Variants in IGSF9B observed in about 807,000 individuals in gnomAD.
IGSF9B encodes immunoglobulin superfamily member 9B.
Under a neutral mutation model 143.7 loss-of-function variants are expected in IGSF9B, and 48 were observed. The ratio of observed to expected loss-of-function variants is 0.33; its 90% CI spans 0.26 to 0.42. IGSF9B has a LOEUF of 0.42. Among genes scored for constraint, IGSF9B ranks in the 20% least tolerant of loss-of-function variants. The pLI, the probability that IGSF9B is intolerant of heterozygous loss-of-function variation, is 1.00. For synonymous variants in IGSF9B, 903 were observed against 833.1 expected (o/e 1.08, Z -1.44); for missense variants, 1,706 against 1,980.0 (o/e 0.86, Z 2.63).
At position 133,920,064 on chromosome 11, in the gene IGSF9B, G is replaced by A; in HGVS notation, c.3661C>T (p.Arg1221Cys). ...SRTGSPELAA[R>C]ARPRPGLLQQ... ...AGGAGGCCCGGGCGAGGCCGGGCAC[G>A]GGCGGCGAGCTCAGGGGAGCCGGTG... is the stretch of plus-strand genomic sequence containing the variant. Residue 1221 changes from arginine (R) to cysteine (C), a missense_variant, in exon 18 of 20, where the codon CGT (arginine) becomes TGT (cysteine). Around this residue, in one of 7 missense-constraint regions of IGSF9B, gnomAD observed 880 missense variants for 762.9 expected, o/e 1.15. Coordinates refer to ENST00000533871, the MANE Select transcript of IGSF9B (RefSeq NM_001277285.4). 1.9e-6 allele frequency: 3 copies of A among 1,545,060 alleles called. No individual in the cohort carries two copies. The highest frequency in any genetic ancestry group is 1.2e-5 in the South Asian group (1 of 80,884).
Position 133,920,099 on chromosome 11 carries a change from A to T in IGSF9B, c.3626T>A (p.Leu1209His), listed in dbSNP as rs1234828777. 6.6e-7 allele frequency: 1 copy of T among 1,518,990 alleles called. No homozygotes were observed. The highest frequency in any genetic ancestry group is 2.2e-5 in the Admixed American group (1 of 45,022). 94.1% of individuals were successfully genotyped at this position (1,518,990 alleles called of 1,614,324 possible). A position where few individuals can be genotyped will look rare whatever the true frequency, so the allele number is the denominator to read the frequency against. The change falls in exon 18 of 20, where the codon CTC becomes CAC. Residue 1209 changes from leucine to histidine, a missense_variant. Coordinates refer to ENST00000533871, the MANE Select transcript of IGSF9B (RefSeq NM_001277285.4). Reference protein sequence around the residue: ...SRLSPLTQSPLSSRTGSPELA... With the variant: ...SRLSPLTQSPHSSRTGSPELA... The stretch of plus-strand genomic sequence containing the variant: ...CTCAGGGGAGCCGGTGCGGGAGCTG[A>T]GGGGGCTTTGGGTCAGAGGTGAGAG...
Position 133,946,245 on chromosome 11 carries a change from C to T in IGSF9B, c.78G>A (p.Leu26=), listed in dbSNP as rs933299210. The change falls in exon 2 of 20, where the codon CTG becomes CTA. Residue 26 remains leucine, a synonymous_variant. Coordinates refer to ENST00000533871, the MANE Select transcript of IGSF9B (RefSeq NM_001277285.4). The part of the protein sequence containing the change: ...RGLAAEGAHG[L]REEPEFVTAR... ...CCGTCACAAACTCGGGCTCCTCTCGCAGGCCGTGGGCGCCTGATGGGGACG... is the reference window on the plus strand; with the variant it reads ...CCGTCACAAACTCGGGCTCCTCTCGTAGGCCGTGGGCGCCTGATGGGGACG... The T allele has an allele frequency of 1.9e-6, 3 of 1,613,356 alleles. No individual in the cohort carries two copies. The African/African-American group carries it at 4.0e-5, about 22-fold the overall frequency.
In IGSF9B at chr11:133,906,978, C is replaced by T. The variant is rs895152983; in HGVS notation, c.*2091G>A. Among the ~76,000 whole-genome samples, 1 of 152,068 alleles carries T rather than the reference C, an allele frequency of 6.6e-6. No homozygotes were observed. The highest frequency in any genetic ancestry group is 2.4e-5 in the African/African-American group (1 of 41,412). On this transcript the variant is annotated 3_prime_UTR_variant, in exon 20 of 20. Transcript: ENST00000533871. ...CGACGCGGGGGCAGAGGGTGTGCTA[C>T]CTGGAAAAAAGAACACAAAGAGTTG... is the stretch of plus-strand genomic sequence containing the variant.
At chr11:133,952,542 C>G (rs11828269) in intron 1 of IGSF9B, among the ~76,000 whole-genome samples, 1 of 152,162 alleles carries the variant, frequency 6.6e-6, no homozygotes, top group South Asian at 2.1e-4. Context: ...CACGTGCACA[C>G]AAACACACAG....
At chr11:133,952,746 T>C (rs1565454264) in intron 1 of IGSF9B, among the ~76,000 whole-genome samples, 1 of 151,620 alleles carries the variant, frequency 6.6e-6, no homozygotes, top group Admixed American at 6.6e-5. Context: ...GGCACACACA[T>C]ATGTACACAT....
chr11:133,946,906 C>T (rs1226317098), intron 1 of IGSF9B, among the ~76,000 whole-genome samples: 2 of 152,228 alleles, frequency 1.3e-5, no homozygotes, highest in Non-Finnish European at 2.9e-5. Flanking sequence ...CTGAGCCGGC[C>T]TCTCCAGCCC....
chr11:133,924,739 T>A, intron 15 of IGSF9B, 81 bp downstream of exon 15: 1 of 1,121,504 alleles, frequency 8.9e-7, no homozygotes, highest in East Asian at 2.4e-5. Flanking sequence ...CCTCGTGGAG[T>A]AGCCATTTCA....
At position 133,920,692 on chromosome 11, in the gene IGSF9B, G is replaced by A. The variant is rs1157295278; in HGVS notation, c.3033C>T (p.Thr1011=). The A allele has an allele frequency of 2.5e-6, 4 of 1,613,482 alleles. No individual in the cohort carries two copies. Among genetic ancestry groups the A allele is most frequent in the Non-Finnish European group, 3.4e-6 (4 of 1,179,780 alleles). Residue 1011 remains threonine, a synonymous_variant, in exon 18 of 20, where the codon ACC becomes ACT. Coordinates refer to ENST00000533871, the MANE Select transcript of IGSF9B (RefSeq NM_001277285.4). ...LPTEGPFGHP[T]IPEENGENAS... is the part of the protein sequence containing the mutation. The stretch of plus-strand genomic sequence containing the variant: ...CATTCTCTCCATTCTCCTCGGGGAT[G>A]GTGGGGTGGCCAAAGGGCCCCTCGG...
chr11:133,913,415 T>C lies in IGSF9B; in HGVS notation c.3984-1408A>G, dbSNP rs1370465557. ...GGCAGCAAGGCGGGAAGAGGAGACT[T>C]ACACACTAATTGCAGATAAGCCTCT... On this transcript the variant is annotated intron_variant, in intron 18 of 19. Coordinates refer to ENST00000533871, the MANE Select transcript of IGSF9B (RefSeq NM_001277285.4). This position sits in a 1 kb window ranked among gnomAD's most constrained non-coding sequence, Gnocchi z 4.6. Among the ~76,000 whole-genome samples the C allele has an allele frequency of 6.6e-6, 1 of 152,130 alleles. No individual in the cohort carries two copies. The highest frequency in any genetic ancestry group is 6.5e-5 in the Admixed American group (1 of 15,280).
rs1013168680 is a variant in IGSF9B at position 133,913,876 on chromosome 11, G to A, written c.3984-1869C>T. On this transcript the variant is annotated intron_variant, in intron 18 of 19. Transcript: ENST00000533871. This position sits in a 1 kb window ranked among gnomAD's most constrained non-coding sequence, Gnocchi z 4.6. ...TTAATGTGAATCCACCTGTTCAGTCGATCTCTGTCTCCTGGCCGGCCTCTT... is the reference window on the plus strand; with the variant it reads ...TTAATGTGAATCCACCTGTTCAGTCAATCTCTGTCTCCTGGCCGGCCTCTT... Among the ~76,000 whole-genome samples the A allele has an allele frequency of 2.0e-5, 3 of 152,194 alleles. No homozygotes were observed. The highest frequency in any genetic ancestry group is 1.3e-4 in the Admixed American group (2 of 15,282).
At chr11:133,956,506 C>G (rs1452152303) in intron 1 of IGSF9B, among the ~76,000 whole-genome samples, 185 bp downstream of exon 1, 1 of 124,326 alleles carries the variant, frequency 8.0e-6, no homozygotes, top group Admixed American at 8.2e-5. Context: ...CCCACGGCCC[C>G]CAGGCCCTCC....
chr11:133,932,025 T>TG, intron 8 of IGSF9B, 46 bp downstream of exon 8: 2 of 1,584,416 alleles, frequency 1.3e-6, no homozygotes, highest in South Asian at 1.2e-5. Context: ...ATCACAGTAC[T>TG]GGGGGGAGCC....
rs1281499765 is a variant in IGSF9B, at chr11:133,896,829, T to A, written c.*12240A>T. ...ACTGCCAAGTCAAAGGACAAAGGGA[T>A]CACCATCATCAGCAGCCAGGGCAGG... On this transcript the variant is annotated 3_prime_UTR_variant, in exon 20 of 20. Transcript: ENST00000533871. 1 of 152,208 alleles carries A rather than the reference T, an allele frequency of 6.6e-6. No individual in the cohort carries two copies. Among genetic ancestry groups the A allele is most frequent in the Non-Finnish European group, 1.5e-5 (1 of 68,100 alleles). The allele number at this position is 152,208 out of a possible 1,614,324, so 9.4% of individuals were successfully genotyped here. A position where few individuals can be genotyped will look rare whatever the true frequency, so the allele number is the denominator to read the frequency against.
At chr11:133,941,467 C>T (rs2121331338) in intron 3 of IGSF9B, among the ~76,000 whole-genome samples, 2 of 152,336 alleles carry the variant, frequency 1.3e-5, no homozygotes, top group East Asian at 3.9e-4. Context: ...AAATGCCTGA[C>T]ATTAAACATT....
At position 133,905,263 on chromosome 11, in the gene IGSF9B, G is replaced by C. The variant is rs567393689; in HGVS notation, c.*3806C>G. Among the ~76,000 whole-genome samples, 15 of 150,774 alleles carry C rather than the reference G, an allele frequency of 9.9e-5. No homozygotes were observed. Among genetic ancestry groups the C allele is most frequent in the African/African-American group, 3.7e-4 (15 of 40,956 alleles). On this transcript the variant is annotated 3_prime_UTR_variant, in exon 20 of 20. Transcript: ENST00000533871. This position sits in a 1 kb window ranked among gnomAD's most constrained non-coding sequence, Gnocchi z 4.0. ...CCACCCCACCCCCAAGCCTGGAAAA[G>C]GCTTTTGCTAACAAAATAGGAAGAA...
rs867498001 is a variant in IGSF9B at position 133,919,764 on chromosome 11, G to A, written c.3961C>T (p.Pro1321Ser). 2.0e-6 allele frequency: 3 copies of A among 1,480,870 alleles called. No homozygotes were observed. Among genetic ancestry groups the A allele is most frequent in the African/African-American group, 2.8e-5 (2 of 70,886 alleles). 91.7% of individuals were successfully genotyped at this position (1,480,870 alleles called of 1,614,324 possible). ...GEELLRPETP[P>S]PTLPTSGTLP... Reference sequence around the variant, plus strand: ...CACCCTGAAGTAGGTAACGTGGGTGGTGGGGTCTCCGGTCGGAGCAATTCC... The same window carrying A: ...CACCCTGAAGTAGGTAACGTGGGTGATGGGGTCTCCGGTCGGAGCAATTCC... Residue 1321 changes from proline to serine, a missense_variant, in exon 18 of 20, where the codon CCA becomes TCA. Physicochemically the swap from Pro to Ser is moderately conservative, Grantham distance 74. Transcript: ENST00000533871.
Position 133,912,001 on chromosome 11 carries a change from A to G in IGSF9B, c.3990T>C (p.Leu1330=). The G allele has an allele frequency of 6.5e-7, 1 of 1,526,816 alleles. No individual in the cohort carries two copies. Among genetic ancestry groups the G allele is most frequent in the South Asian group, 1.2e-5 (1 of 82,386 alleles). The allele number at this position is 1,526,816 out of a possible 1,614,324, so 94.6% of individuals were successfully genotyped here. ...CAGCAGCGTTCCCGGGTGCAGGTGG[A>G]AGTGTTCTGGAAAGGACAACCAGAG... ...PPPTLPTSGT[L]PPAPGNAAAP... Residue 1330 remains leucine, a synonymous_variant, in exon 19 of 20, where the codon CTT becomes CTC. Coordinates refer to ENST00000533871, the MANE Select transcript of IGSF9B (RefSeq NM_001277285.4).
chr11:133,932,287 A>G (rs1236139944), intron 7 of IGSF9B, 74 bp from the exon 8 acceptor site: 27 of 1,453,546 alleles, frequency 1.9e-5, no homozygotes, highest in Non-Finnish European at 2.4e-5. Context: ...AGGGACAGAC[A>G]GACAGACACA....
Position 133,904,879 on chromosome 11 carries a change from G to C in IGSF9B, c.*4190C>G, listed in dbSNP as rs1249172949. ...CCATTACCCTAGTCAATCTAGAGCT[G>C]GCCAATAAGGCACCTCTTTGGCCCT... On this transcript the variant is annotated 3_prime_UTR_variant, in exon 20 of 20. Coordinates refer to ENST00000533871, the MANE Select transcript of IGSF9B (RefSeq NM_001277285.4). Among the ~76,000 whole-genome samples the C allele has an allele frequency of 6.6e-6, 1 of 150,660 alleles. No homozygotes were observed. The highest frequency in any genetic ancestry group is 2.5e-5 in the African/African-American group (1 of 40,806).
Sources: allele counts gnomAD v4.1 joint callset (sites outside exome capture counted in the v4.1 genomes callset), GRCh38; gene constraint gnomAD v4.1.1; regional missense constraint gnomAD v4.1.1; non-coding constraint Gnocchi (gnomAD v3.1); transcripts MANE v1.5; gene names NCBI Gene and HGNC (gene_info 2026-07-23, HGNC 2026-07-21).